The following DAGLB variants were observed in gnomAD, a reference collection of about 807,000 sequenced individuals.
The protein encoded by DAGLB is diacylglycerol lipase-beta.
DAGLB carries 66 observed loss-of-function variants against 72.1 expected under a neutral mutation model. That is an observed-to-expected ratio of 0.92 (90% CI 0.75 to 1.12). DAGLB has a LOEUF of 1.12. Among genes scored for constraint, DAGLB ranks in the 50% most tolerant of loss-of-function variants. The pLI, the probability that DAGLB is intolerant of heterozygous loss-of-function variation, is 0.00. For missense variants in DAGLB, 1,065 were observed against 884.9 expected, an observed-to-expected ratio of 1.20 and a Z score of -2.58; for synonymous variants, 414 against 359.5, an observed-to-expected ratio of 1.15 and a Z score of -1.71.
intron 8 of DAGLB, chr7:6,422,839 GC>G (rs1363415162): frequency 4.6e-5 from 7 of 152,320 alleles, no homozygotes; most frequent in African/African-American, 1.4e-4. Flanking sequence ...AGTATACCCA[GC>G]TACAAATCTG....
At chr7:6,437,068 C>G (rs1784683210) in intron 2 of DAGLB, among the ~76,000 whole-genome samples, 3 of 151,434 alleles carry the variant, frequency 2.0e-5, no homozygotes, top group Admixed American at 2.0e-4. Flanking sequence ...ACAGGAGAAT[C>G]GCTTGAACCC....
intron 13 of DAGLB, 127 bp downstream of exon 13, chr7:6,412,684 G>A: frequency 9.3e-7 from 1 of 1,070,108 alleles, no homozygotes. Flanking sequence ...ATCAGATGGT[G>A]GAAGGAGAAC....
rs758351217 is a variant in DAGLB at position 6,438,859 on chromosome 7, AGAT to A, written c.248-2329_248-2327del. Reference sequence around the variant, plus strand: ...CTCATCTCTGATTATTTTTTAAAAAAGATAATGATGATGATGATGATGATGATG... The same window carrying A: ...CTCATCTCTGATTATTTTTTAAAAAAAATGATGATGATGATGATGATGATG... On this transcript the variant is annotated intron_variant, in intron 2 of 14. Transcript: ENST00000297056. Among the ~76,000 whole-genome samples, 4 of 146,240 alleles carry A rather than the reference AGAT, an allele frequency of 2.7e-5. No individual in the cohort carries two copies. The East Asian group carries it at 6.2e-4, about 23-fold the overall frequency.
intron 9 of DAGLB, among the ~76,000 whole-genome samples, chr7:6,418,317 T>C (rs1017491762): frequency 1.3e-5 from 2 of 152,062 alleles, no homozygotes; most frequent in Non-Finnish European, 2.9e-5. Context: ...TACAGTGAAC[T>C]ATGATTGCAC....
chr7:6,410,141 G>A lies in DAGLB; in HGVS notation c.1809C>T (p.Gly603=), dbSNP rs1054966238. 7 of 1,573,280 alleles carry A rather than the reference G, an allele frequency of 4.4e-6. No individual in the cohort carries two copies. The highest frequency in any genetic ancestry group is 1.7e-4 in the Middle Eastern group (1 of 5,892). ...CACGCCGCACTCACCGCCCCGAGGC[G>A]CCCTCCTCCTGCAGGTGGATGATCC... is the stretch of plus-strand genomic sequence containing the variant. ...PGRIIHLQEE[G]ASGRFGCCSA... The change falls in exon 14 of 15, where the codon GGC becomes GGT. Residue 603 remains glycine, a synonymous_variant. Transcript: ENST00000297056.
At chr7:6,433,436 G>A (rs902160737) in intron 4 of DAGLB, among the ~76,000 whole-genome samples, 15 of 152,120 alleles carry the variant, frequency 9.9e-5, no homozygotes, top group African/African-American at 3.4e-4. Flanking sequence ...ACCCCAAGCT[G>A]GGAAAGCAAC....
At chr7:6,437,987 C>G (rs191982915) in intron 2 of DAGLB, among the ~76,000 whole-genome samples, 53 of 152,270 alleles carry the variant, frequency 3.5e-4, no homozygotes, top group Admixed American at 2.4e-3. Flanking sequence ...GTTAGAATGA[C>G]TGAAATAGTT....
At chr7:6,444,994 A>G (rs552217061) in intron 2 of DAGLB, among the ~76,000 whole-genome samples, 182 of 152,302 alleles carry the variant, frequency 1.2e-3, no homozygotes, top group African/African-American at 4.2e-3. Flanking sequence ...GTCATATAAT[A>G]AGAGCGTTGG....
At chr7:6,441,192 G>A (rs1484519317) in intron 2 of DAGLB, among the ~76,000 whole-genome samples, 1 of 149,948 alleles carries the variant, frequency 6.7e-6, no homozygotes, top group African/African-American at 2.5e-5. Context: ...CCAGGTTCAT[G>A]CCATTCTCCT....
chr7:6,434,880 G>A lies in DAGLB; in HGVS notation c.560C>T (p.Thr187Ile). ...DSSQLLNGLK[T>I]AATSVWETRI... ...GGTTTCCCACACGCTTGTAGCTGCT[G>A]TCTTGAGGCCATTAAGTAACTGGCT... Residue 187 changes from threonine to isoleucine, a missense_variant, in exon 4 of 15, where the codon ACA (threonine) becomes ATA (isoleucine). Thr to Ile is a moderately conservative substitution (Grantham distance 89, BLOSUM62 -1). Transcript: ENST00000297056. The A allele has an allele frequency of 6.2e-7, 1 of 1,614,216 alleles. No homozygotes were observed. The highest frequency in any genetic ancestry group is 8.5e-7 in the Non-Finnish European group (1 of 1,180,044).
chr7:6,430,839 AAT>A (rs1458028135), intron 5 of DAGLB, among the ~76,000 whole-genome samples: 5 of 151,580 alleles, frequency 3.3e-5, no homozygotes, highest in South Asian at 2.1e-4. Context: ...GCAGTGGCAC[AAT>A]GTCAGCTCAC....
At chr7:6,431,504 G>A (rs1026201442) in intron 5 of DAGLB, among the ~76,000 whole-genome samples, 34 of 152,218 alleles carry the variant, frequency 2.2e-4, no homozygotes, top group African/African-American at 7.5e-4. Flanking sequence ...GGATGCAGTG[G>A]CTCACGCCTG....
chr7:6,421,901 G>C (rs547395215), intron 8 of DAGLB, 97 bp from the exon 9 acceptor site: 1 of 1,338,520 alleles, frequency 7.5e-7, no homozygotes, highest in African/African-American at 1.5e-5. Flanking sequence ...TGTGGAGGAT[G>C]GCGGGGATGG....
At chr7:6,423,085 C>G (rs1784184292) in intron 8 of DAGLB, among the ~76,000 whole-genome samples, 1 of 152,024 alleles carries the variant, frequency 6.6e-6, no homozygotes. Flanking sequence ...GATCCTGTCT[C>G]TACAAAAATA....
chr7:6,437,628 T>C (rs554014431), intron 2 of DAGLB, among the ~76,000 whole-genome samples: 1 of 152,060 alleles, frequency 6.6e-6, no homozygotes, highest in African/African-American at 2.4e-5. Context: ...AGTTGTTTTT[T>C]TGTGGGCGTT....
In DAGLB at chr7:6,436,549, C is replaced by T. The variant is rs200494222; in HGVS notation, c.248-16G>A. Reference sequence around the variant, plus strand: ...CAAATCGTTCCTGAAATACAAAAAACGTTCCGACTGCTCAGTTGCTTCCTC... The same window carrying T: ...CAAATCGTTCCTGAAATACAAAAAATGTTCCGACTGCTCAGTTGCTTCCTC... On this transcript the variant is annotated splice_polypyrimidine_tract_variant and intron_variant, in intron 2 of 14. Transcript: ENST00000297056. 3.3e-5 allele frequency: 54 copies of T among 1,613,596 alleles called. No individual in the cohort carries two copies. The highest frequency in any genetic ancestry group is 1.6e-4 in the Middle Eastern group (1 of 6,084).
At chr7:6,420,223 C>G (rs1028566257) in intron 9 of DAGLB, among the ~76,000 whole-genome samples, 4 of 151,928 alleles carry the variant, frequency 2.6e-5, no homozygotes, top group African/African-American at 9.7e-5. Flanking sequence ...GGGTGGATCA[C>G]GAGGTCAAGA....
intron 2 of DAGLB, among the ~76,000 whole-genome samples, chr7:6,438,702 G>T (rs1019836813): frequency 6.6e-6 from 1 of 152,166 alleles, no homozygotes; most frequent in Non-Finnish European, 1.5e-5. Flanking sequence ...CACAGACAAG[G>T]AATCAAGAGA....
chr7:6,415,436 C>A lies in DAGLB; in HGVS notation c.1427+1191G>T, dbSNP rs919248846. Among the ~76,000 whole-genome samples the A allele has an allele frequency of 2.0e-5, 3 of 151,902 alleles. No homozygotes were observed. The South Asian group carries it at 6.2e-4, about 32-fold the overall frequency. ...CCGGGATTACAGGCATGAGCCACCA[C>A]GCCTGGCCTTTATTTCATTTTAATG... On this transcript the variant is annotated intron_variant, in intron 11 of 14. Transcript: ENST00000297056.
Sources: allele counts gnomAD v4.1 joint callset (sites outside exome capture counted in the v4.1 genomes callset), GRCh38; gene constraint gnomAD v4.1.1; transcripts MANE v1.5; gene names NCBI Gene and HGNC (gene_info 2026-07-23, HGNC 2026-07-21).